The following SYNJ2 variants were observed in gnomAD, a reference collection of about 807,000 sequenced individuals.
SYNJ2 encodes the protein polyphosphatidylinositol phosphatase SYNJ2.
In SYNJ2, 116 loss-of-function variants were observed where a neutral mutation model predicts 141.3. That is an observed-to-expected ratio of 0.82 (90% CI 0.71 to 0.96). The LOEUF is 0.96. SYNJ2 is among the 40% of genes least tolerant of loss of function. SYNJ2 has a pLI of 0.00. For missense variants in SYNJ2, 1,873 were observed against 1,934.8 expected (o/e 0.97, Z 0.60); for synonymous variants, 745 against 777.7 (o/e 0.96, Z 0.70).
At position 158,096,617 on chromosome 6, in the gene SYNJ2, G is replaced by A. The variant is rs1210891241; in HGVS notation, c.*253G>A. The stretch of plus-strand genomic sequence containing the variant: ...GAATGGGAACCTTCCTGTTAAATTC[G>A]GTGTATGGATTTTAAGAAAGGAATC... On this transcript the variant is annotated 3_prime_UTR_variant, in exon 27 of 27. Coordinates refer to ENST00000355585, the MANE Select transcript of SYNJ2 (RefSeq NM_003898.4). The A allele has an allele frequency of 1.7e-5, 6 of 353,340 alleles. No individual in the cohort carries two copies. The highest frequency in any genetic ancestry group is 3.0e-5 in the Non-Finnish European group (6 of 197,768). The allele number at this position is 353,340 out of a possible 1,614,324, so 21.9% of individuals were successfully genotyped here.
At chr6:158,005,431 C>T (rs1291320058) in intron 1 of SYNJ2, among the ~76,000 whole-genome samples, 1 of 152,144 alleles carries the variant, frequency 6.6e-6, no homozygotes, top group Non-Finnish European at 1.5e-5. Flanking sequence ...ATGGCCTTCT[C>T]ATAGCCCCTC....
chr6:158,075,952 A>T (rs11759087), intron 16 of SYNJ2, among the ~76,000 whole-genome samples: 57,259 of 150,820 alleles, frequency 0.38, 10,900 homozygotes, highest in African/African-American at 0.41. Flanking sequence ...GGGGCTCACG[A>T]CTGTAAGGCG....
chr6:157,990,042 TG>T (rs1777360583), intron 1 of SYNJ2, among the ~76,000 whole-genome samples: 1 of 152,186 alleles, frequency 6.6e-6, no homozygotes. Context: ...CCAGGTCCTG[TG>T]GGCTGCGCCG....
chr6:158,077,370 C>A (rs185244286), intron 17 of SYNJ2, among the ~76,000 whole-genome samples: 60 of 152,254 alleles, frequency 3.9e-4, no homozygotes, highest in Admixed American at 2.4e-3. Flanking sequence ...AGCTCCCCCC[C>A]ACACCCCCAC....
intron 23 of SYNJ2, 122 bp downstream of exon 23, chr6:158,087,111 C>T (rs563452689): frequency 8.9e-5 from 104 of 1,168,092 alleles, no homozygotes; most frequent in Non-Finnish European, 1.2e-4. Flanking sequence ...ACAGGGCTTC[C>T]TCCTCCTTGG....
chr6:158,001,795 A>AC (rs1777873532), intron 1 of SYNJ2: 2 of 151,766 alleles, frequency 1.3e-5, no homozygotes, highest in African/African-American at 4.8e-5. Context: ...AGTGACCTTG[A>AC]CCCCTCTCAT....
Position 158,028,507 on chromosome 6 carries a change from A to G in SYNJ2, c.215-249A>G, listed in dbSNP as rs940313197. On this transcript the variant is annotated intron_variant, in intron 2 of 26. Coordinates refer to ENST00000355585, the MANE Select transcript of SYNJ2 (RefSeq NM_003898.4). ...AGGCAGCTGGGCGGCAGGAATCTGC[A>G]TGTCTAACAGGCTCCCAGGGGATGC... 2.5e-5 allele frequency: 14 copies of G among 550,520 alleles called. No homozygotes were observed. In the African/African-American group the frequency reaches 2.6e-4, roughly 10 times the overall value. The allele number at this position is 550,520 out of a possible 1,614,324, so 34.1% of individuals were successfully genotyped here.
At chr6:158,075,867 G>T (rs1036081493) in intron 16 of SYNJ2, among the ~76,000 whole-genome samples, 1 of 152,156 alleles carries the variant, frequency 6.6e-6, no homozygotes, top group Non-Finnish European at 1.5e-5. Context: ...GAGAATGAGG[G>T]TGTGTTTGTC....
rs766003401 is a variant in SYNJ2, at chr6:158,064,862, C to T, written c.1396C>T (p.Arg466Ter). ...GAAGGATGGAGCCCGGTCCATGTCTCGAACCATCCAGTCCAACTTCTTCGA... is the reference window on the plus strand; with the variant it reads ...GAAGGATGGAGCCCGGTCCATGTCTTGAACCATCCAGTCCAACTTCTTCGA... ...KLKDGARSMS[R>*]TIQSNFFDGV... The change falls in exon 11 of 27, where the codon CGA (arginine) becomes TGA (stop). Residue 466 changes from arginine to a stop codon, truncating the protein, a stop_gained. Coordinates refer to ENST00000355585, the MANE Select transcript of SYNJ2 (RefSeq NM_003898.4). LOFTEE classifies it high-confidence loss of function. 53 of 1,612,174 alleles carry T rather than the reference C, an allele frequency of 3.3e-5. No homozygotes were observed. Among genetic ancestry groups the T allele is most frequent in the East Asian group, 1.1e-4 (5 of 44,826 alleles).
intron 8 of SYNJ2, among the ~76,000 whole-genome samples, chr6:158,062,968 C>A (rs754522818): frequency 6.6e-6 from 1 of 152,076 alleles, no homozygotes; most frequent in East Asian, 1.9e-4. Context: ...AGAAAATGCA[C>A]GTTAAGATAA....
At position 158,096,508 on chromosome 6, in the gene SYNJ2, G is replaced by A. The variant is rs774456699; in HGVS notation, c.*144G>A. On this transcript the variant is annotated 3_prime_UTR_variant, in exon 27 of 27. Transcript: ENST00000355585. ...CACTCTCGTGTAGTTTACAAAAATC[G>A]TGTCTCTTATTCAGTAAGATGGTTA... 6.5e-5 allele frequency: 62 copies of A among 948,326 alleles called. No individual in the cohort carries two copies. The highest frequency in any genetic ancestry group is 8.4e-5 in the Non-Finnish European group (56 of 664,428). The allele number at this position is 948,326 out of a possible 1,614,324, so 58.7% of individuals were successfully genotyped here. A position where few individuals can be genotyped will look rare whatever the true frequency, so the allele number is the denominator to read the frequency against.
At chr6:158,026,986 G>A (rs1204366001) in intron 2 of SYNJ2, 1 of 985,294 alleles carries the variant, frequency 1.0e-6, no homozygotes, top group Non-Finnish European at 1.2e-6. Flanking sequence ...TTTTGAGGTG[G>A]TTTCCTGAGG....
chr6:158,068,961 T>C (rs900092936), intron 13 of SYNJ2, among the ~76,000 whole-genome samples: 4 of 152,210 alleles, frequency 2.6e-5, no homozygotes, highest in Non-Finnish European at 5.9e-5. Context: ...TGCTGTGTTT[T>C]CTTTGCAGTG....
rs774893003 is a variant in SYNJ2 at position 158,062,012 on chromosome 6, C to T, written c.975C>T (p.Cys325=). Residue 325 remains cysteine (C), a synonymous_variant, in exon 8 of 27, where the codon TGC becomes TGT. Transcript: ENST00000355585. ...TTCAGAAGCTGCTCTGGGCTTCTTG[C>T]CACGCGGGCGACACGCCTATGATCA... ...RAFKKLLWAS[C]HAGDTPMINF... is the part of the protein sequence containing the mutation. The T allele has an allele frequency of 1.1e-5, 17 of 1,613,892 alleles. No homozygotes were observed. The highest frequency in any genetic ancestry group is 1.7e-5 in the Admixed American group (1 of 60,008).
At chr6:158,016,922 CCCCCAGCTGGACGCCAGAACCCCAGGA>C (rs1395882362) in intron 1 of SYNJ2, 1 of 1,007,600 alleles carries the variant, frequency 9.9e-7, no homozygotes, top group African/African-American at 1.7e-5. Context: ...CAGGTGCCTG[CCCCCAGCTGGACGCCAGAACCCCAGGA>C]CCCCAGCTCC....
intron 18 of SYNJ2, among the ~76,000 whole-genome samples, chr6:158,080,344 A>G (rs2128387274): frequency 6.6e-6 from 1 of 152,174 alleles, no homozygotes; most frequent in South Asian, 2.1e-4. Flanking sequence ...TCATGGTGGC[A>G]TGCGCCTGTA....
At chr6:158,013,702 G>C (rs545432158) in intron 1 of SYNJ2, among the ~76,000 whole-genome samples, 1 of 152,302 alleles carries the variant, frequency 6.6e-6, no homozygotes, top group South Asian at 2.1e-4. Context: ...TGTGTTACCC[G>C]ATGAGCCTTT....
intron 4 of SYNJ2, among the ~76,000 whole-genome samples, chr6:158,034,354 G>C (rs1334949552): frequency 6.6e-6 from 1 of 152,250 alleles, no homozygotes; most frequent in Non-Finnish European, 1.5e-5. Context: ...ACCCCGGAAG[G>C]CACATGTATG....
chr6:158,093,724 CAT>C (rs2128402333), intron 26 of SYNJ2, among the ~76,000 whole-genome samples: 1 of 152,316 alleles, frequency 6.6e-6, no homozygotes, highest in South Asian at 2.1e-4. Flanking sequence ...CTTTTCCCCA[CAT>C]GTTCTGGTAC....
Sources: allele counts gnomAD v4.1 joint callset (sites outside exome capture counted in the v4.1 genomes callset), GRCh38; gene constraint gnomAD v4.1.1; transcripts MANE v1.5; gene names NCBI Gene and HGNC (gene_info 2026-07-23, HGNC 2026-07-21).